Variants in KLHL14 observed in about 807,000 individuals in gnomAD.
The protein encoded by KLHL14 is kelch like family member 14, also known as kelch-like protein 14.
KLHL14 carries 22 observed loss-of-function variants against 64.3 expected under a neutral mutation model. The ratio of observed to expected loss-of-function variants is 0.34; its 90% CI spans 0.24 to 0.49. KLHL14 has a LOEUF of 0.49. KLHL14 is among the 20% of genes least tolerant of loss of function. The pLI, the probability that KLHL14 is intolerant of heterozygous loss-of-function variation, is 0.99. For synonymous variants in KLHL14, 322 were observed against 333.4 expected (o/e 0.97, Z 0.37); for missense variants, 661 against 789.0 (o/e 0.84, Z 1.94).
At chr18:32,736,225 C>T (rs2050165428) in intron 3 of KLHL14, among the ~76,000 whole-genome samples, 1 of 152,088 alleles carries the variant, frequency 6.6e-6, no homozygotes, top group Admixed American at 6.6e-5. Flanking sequence ...GGAGTGACCA[C>T]CACACATATT....
intron 8 of KLHL14, 64 bp from the exon 9 acceptor site, chr18:32,674,861 T>C (rs2049803339): frequency 1.4e-6 from 1 of 712,882 alleles, no homozygotes; most frequent in African/African-American, 1.8e-5. Context: ...GCAATGTTAC[T>C]GATCATATTT....
intron 4 of KLHL14, among the ~76,000 whole-genome samples, chr18:32,695,142 T>G (rs1217067248): frequency 6.6e-6 from 1 of 152,200 alleles, no homozygotes; most frequent in Admixed American, 6.5e-5. Flanking sequence ...TCTTAACAGC[T>G]GCAGCTTTGC....
At chr18:32,728,709 C>T (rs926940742) in intron 3 of KLHL14, among the ~76,000 whole-genome samples, 2 of 152,004 alleles carry the variant, frequency 1.3e-5, no homozygotes, top group Non-Finnish European at 2.9e-5. Flanking sequence ...TGCATTTTTG[C>T]CCATCATCCT....
intron 2 of KLHL14, among the ~76,000 whole-genome samples, chr18:32,764,850 T>C (rs2144192605): frequency 6.6e-6 from 1 of 152,234 alleles, no homozygotes; most frequent in East Asian, 1.9e-4. Flanking sequence ...AGAAAAAAAT[T>C]GCTGACCCCT....
chr18:32,695,425 C>T, intron 4 of KLHL14, 38 bp downstream of exon 4: 1 of 1,258,830 alleles, frequency 7.9e-7, no homozygotes, highest in Non-Finnish European at 1.2e-6. Flanking sequence ...TACACACATA[C>T]TTGTTGAGCA....
At chr18:32,686,153 A>T (rs889628853) in intron 5 of KLHL14, among the ~76,000 whole-genome samples, 1 of 147,526 alleles carries the variant, frequency 6.8e-6, no homozygotes, top group Admixed American at 6.8e-5. Flanking sequence ...CTGGGATTAC[A>T]GGCGCTTGCC....
At chr18:32,696,058 T>C (rs145841638) in intron 3 of KLHL14, among the ~76,000 whole-genome samples, 1 of 152,328 alleles carries the variant, frequency 6.6e-6, no homozygotes, top group Non-Finnish European at 1.5e-5. Context: ...TGAATTTCCA[T>C]ACAGTTTTAA....
chr18:32,761,557 C>A lies in KLHL14; in HGVS notation c.947+8088G>T, dbSNP rs188602791. On this transcript the variant is annotated intron_variant, in intron 2 of 8. Transcript: ENST00000359358. ...TCATCTTTCAAGGCTCATCTTATAC[C>A]TTTGTTGCAGAGAAAGTCTTCTCCA... Among the ~76,000 whole-genome samples the A allele has an allele frequency of 1.6e-4, 25 of 152,200 alleles. No homozygotes were observed. The East Asian group carries it at 4.4e-3, about 27-fold the overall frequency.
At chr18:32,752,819 T>C (rs1007646172) in intron 2 of KLHL14, among the ~76,000 whole-genome samples, 7 of 146,394 alleles carry the variant, frequency 4.8e-5, no homozygotes, top group African/African-American at 1.8e-4. Context: ...AGTCTCGCTC[T>C]GTCGCCCAGG....
chr18:32,717,563 C>T (rs2050052737), intron 3 of KLHL14, among the ~76,000 whole-genome samples: 1 of 152,122 alleles, frequency 6.6e-6, no homozygotes, highest in Non-Finnish European at 1.5e-5. Context: ...ATACGTAATC[C>T]TATTTTCTTG....
At chr18:32,714,241 T>C (rs561610819) in intron 3 of KLHL14, among the ~76,000 whole-genome samples, 8 of 152,300 alleles carry the variant, frequency 5.3e-5, no homozygotes, top group African/African-American at 1.9e-4. Flanking sequence ...AATGTGCCTC[T>C]GATTGTGGAT....
intron 3 of KLHL14, among the ~76,000 whole-genome samples, chr18:32,716,099 T>G (rs2050043852): frequency 6.6e-6 from 1 of 152,212 alleles, no homozygotes; most frequent in South Asian, 2.1e-4. Context: ...GGAAAAATTT[T>G]TATTAACTGA....
intron 2 of KLHL14, among the ~76,000 whole-genome samples, chr18:32,759,544 T>G (rs929625366): frequency 6.6e-6 from 1 of 152,198 alleles, no homozygotes; most frequent in African/African-American, 2.4e-5. Context: ...GATGTACATT[T>G]TATGGGTAAG....
chr18:32,771,004 C>G lies in KLHL14; in HGVS notation c.-43-370G>C, dbSNP rs1190939003. 1.0e-5 allele frequency: 4 copies of G among 397,796 alleles called. No homozygotes were observed. The Admixed American group carries it at 1.2e-4, about 11-fold the overall frequency. The allele number at this position is 397,796 out of a possible 1,614,324, so 24.6% of individuals were successfully genotyped here. A position where few individuals can be genotyped will look rare whatever the true frequency, so the allele number is the denominator to read the frequency against. On this transcript the variant is annotated intron_variant, in intron 1 of 8. Coordinates refer to ENST00000359358, the MANE Select transcript of KLHL14 (RefSeq NM_020805.3). ...AAAGTGGCGGCTGAGGCCGAGGCAC[C>G]TCGTGGGCTCGTGTCCATGCCGGGC... is the stretch of plus-strand genomic sequence containing the variant.
intron 2 of KLHL14, among the ~76,000 whole-genome samples, chr18:32,758,512 T>C (rs368635446): frequency 2.0e-5 from 3 of 152,212 alleles, no homozygotes; most frequent in East Asian, 3.8e-4. Context: ...AAAAGCCATC[T>C]GGCAGTTCCT....
At chr18:32,682,540 T>G (rs1383365815) in intron 5 of KLHL14, among the ~76,000 whole-genome samples, 1 of 152,176 alleles carries the variant, frequency 6.6e-6, no homozygotes, top group Admixed American at 6.5e-5. Flanking sequence ...GAGGAAGCTT[T>G]TTAATGTGAT....
intron 4 of KLHL14, among the ~76,000 whole-genome samples, chr18:32,689,370 G>A (rs73955257): frequency 0.015 from 2,262 of 152,250 alleles, 67 homozygotes; most frequent in African/African-American, 0.051. Context: ...TCAGAGATAG[G>A]GGGGAAAGGT....
intron 4 of KLHL14, among the ~76,000 whole-genome samples, chr18:32,690,684 G>T (rs1055001729): frequency 6.6e-6 from 1 of 152,028 alleles, no homozygotes; most frequent in Non-Finnish European, 1.5e-5. Context: ...AGCCAAGATC[G>T]CACCACTGCA....
intron 2 of KLHL14, chr18:32,743,587 ACT>A (rs2050209919): frequency 6.6e-6 from 1 of 152,230 alleles, no homozygotes; most frequent in African/African-American, 2.4e-5. Context: ...TAATTTTGCC[ACT>A]CTGTGGATAT....
Sources: gnomAD v4.1 joint callset for allele counts (sites outside exome capture counted in the v4.1 genomes callset) on GRCh38, gnomAD v4.1.1 for gene constraint, MANE v1.5 for transcripts, NCBI Gene and HGNC (gene_info 2026-07-23, HGNC 2026-07-21) for gene names.